The following LPP variants were observed in gnomAD, a reference collection of about 807,000 sequenced individuals.
The protein encoded by LPP is lipoma-preferred partner.
A neutral mutation model predicts 60.4 loss-of-function variants in LPP; 38 were observed. The observed-to-expected ratio is 0.63, with a 90% CI of 0.49 to 0.83. LPP has a LOEUF of 0.83. Among genes scored for constraint, LPP ranks in the 40% least tolerant of loss-of-function variants. The pLI, the probability that LPP is intolerant of heterozygous loss-of-function variation, is 0.00. For missense variants in LPP, 902 were observed against 783.6 expected (o/e 1.15, Z -1.80); for synonymous variants, 328 against 290.8 (o/e 1.13, Z -1.30).
chr3:188,417,395 A>G (rs907703158), intron 4 of LPP, among the ~76,000 whole-genome samples: 1 of 152,002 alleles, frequency 6.6e-6, no homozygotes, highest in Non-Finnish European at 1.5e-5. Context: ...GTTGTTTACC[A>G]AGCAGAAAAG....
In LPP at chr3:188,872,713, C is replaced by G; in HGVS notation, c.1660C>G (p.Arg554Gly). ...MPAPGQEETV[R>G]IVALDRDFHV... Reference sequence around the variant, plus strand: ...AGCCCCGGGCCAGGAGGAGACTGTCCGTATTGTGGCTTTGGATCGAGATTT... The same window carrying G: ...AGCCCCGGGCCAGGAGGAGACTGTCGGTATTGTGGCTTTGGATCGAGATTT... The change falls in exon 11 of 12, where the codon CGT (arginine) becomes GGT (glycine). Residue 554 changes from arginine (R) to glycine (G), a missense_variant. Physicochemically the swap from Arg to Gly is moderately radical, Grantham distance 125. Coordinates refer to ENST00000617246, the MANE Select transcript of LPP (RefSeq NM_001375462.1). The G allele has an allele frequency of 6.2e-7, 1 of 1,614,170 alleles. No homozygotes were observed. Among genetic ancestry groups the G allele is most frequent in the Non-Finnish European group, 8.5e-7 (1 of 1,180,032 alleles).
intron 5 of LPP, among the ~76,000 whole-genome samples, chr3:188,515,199 G>A (rs1816994206): frequency 6.6e-6 from 1 of 152,104 alleles, no homozygotes; most frequent in Admixed American, 6.6e-5. Flanking sequence ...TCTCTTATGG[G>A]GGTTTAGTGC....
chr3:188,232,333 T>A (rs1367506077), intron 2 of LPP, among the ~76,000 whole-genome samples: 2 of 152,030 alleles, frequency 1.3e-5, no homozygotes, highest in African/African-American at 4.8e-5. Context: ...CTCAGCAATT[T>A]TTTTTAATAC....
At chr3:188,773,610 A>G (rs1352541015) in intron 9 of LPP, among the ~76,000 whole-genome samples, 1 of 152,236 alleles carries the variant, frequency 6.6e-6, no homozygotes, top group Non-Finnish European at 1.5e-5. Context: ...AATAATGTTA[A>G]AAGATATTTG....
chr3:188,234,980 A>G (rs530050360), intron 2 of LPP, among the ~76,000 whole-genome samples: 1 of 152,344 alleles, frequency 6.6e-6, no homozygotes, highest in Admixed American at 6.5e-5. Flanking sequence ...AAAAAGCCCA[A>G]TTGCATGAGC....
At chr3:188,368,866 T>C (rs1772125033) in intron 3 of LPP, among the ~76,000 whole-genome samples, 3 of 152,148 alleles carry the variant, frequency 2.0e-5, no homozygotes, top group Non-Finnish European at 4.4e-5. Context: ...CCTTTGATAC[T>C]ATTCACTTTG....
chr3:188,545,321 A>G (rs1048854841), intron 6 of LPP, among the ~76,000 whole-genome samples: 1 of 152,128 alleles, frequency 6.6e-6, no homozygotes, highest in African/African-American at 2.4e-5. Context: ...TTAGAAAAAA[A>G]AGTAAGCTTT....
In LPP at chr3:188,348,139, T is replaced by G. The variant is rs140161782; in HGVS notation, c.-10+6420T>G. ...TCTGTAATAGAAACCATACCCTTTT[T>G]CTTTTCTTTCTTTCTTTTTTTTTTG... On this transcript the variant is annotated intron_variant, in intron 3 of 11. Coordinates refer to ENST00000617246, the MANE Select transcript of LPP (RefSeq NM_001375462.1). 7.2e-5 allele frequency among the ~76,000 whole-genome samples: 11 copies of G among 152,008 alleles called. No individual in the cohort carries two copies. In the East Asian group the frequency reaches 1.9e-3, roughly 27 times the overall value.
intron 6 of LPP, among the ~76,000 whole-genome samples, chr3:188,602,558 C>T (rs1246894581): frequency 6.6e-6 from 1 of 151,890 alleles, no homozygotes; most frequent in Non-Finnish European, 1.5e-5. Context: ...TGAGACCAAG[C>T]TCTTCTTGGG....
intron 9 of LPP, among the ~76,000 whole-genome samples, chr3:188,841,393 G>GGTTTTTT (rs781155583): frequency 3.5e-5 from 4 of 112,866 alleles, no homozygotes; most frequent in Non-Finnish European, 3.4e-5. Flanking sequence ...TTCTGAATTT[G>GGTTTTTT]TTTTTTTTTT....
chr3:188,203,924 A>G (rs1000527842), intron 1 of LPP, among the ~76,000 whole-genome samples: 1 of 152,140 alleles, frequency 6.6e-6, no homozygotes, highest in Non-Finnish European at 1.5e-5. Context: ...GATATTAAGC[A>G]TTTAAAAAGA....
At position 188,883,126 on chromosome 3, in the gene LPP, C is replaced by G. The variant is rs556505351; in HGVS notation, c.*8647C>G. 1 of 218,254 alleles carries G rather than the reference C, an allele frequency of 4.6e-6. No individual in the cohort carries two copies. Among genetic ancestry groups the G allele is most frequent in the South Asian group, 1.8e-4 (1 of 5,414 alleles). The allele number at this position is 218,254 out of a possible 1,614,324, so 13.5% of individuals were successfully genotyped here. A position where few individuals can be genotyped will look rare whatever the true frequency, so the allele number is the denominator to read the frequency against. ...AGAGCCAGCCTTTGGGGCATATGTT[C>G]TCTTTGGTGCCACACAAAACCTGTA... On this transcript the variant is annotated 3_prime_UTR_variant, in exon 12 of 12. Coordinates refer to ENST00000617246, the MANE Select transcript of LPP (RefSeq NM_001375462.1).
At chr3:188,414,212 A>G (rs1479170571) in intron 4 of LPP, among the ~76,000 whole-genome samples, 2 of 152,112 alleles carry the variant, frequency 1.3e-5, no homozygotes, top group Non-Finnish European at 2.9e-5. Context: ...ATAATTACCA[A>G]TAACTATTCA....
chr3:188,459,990 G>A (rs1170511098), intron 4 of LPP, among the ~76,000 whole-genome samples: 1 of 152,158 alleles, frequency 6.6e-6, no homozygotes, highest in Non-Finnish European at 1.5e-5. Flanking sequence ...CGAAGACATG[G>A]TTGACAATTT....
chr3:188,592,238 A>G (rs921685908), intron 6 of LPP, among the ~76,000 whole-genome samples: 3 of 152,126 alleles, frequency 2.0e-5, no homozygotes, highest in Admixed American at 1.3e-4. Context: ...TTTTTGAAGA[A>G]TTTTAAAATT....
intron 4 of LPP, among the ~76,000 whole-genome samples, chr3:188,441,846 CATCTCCTG>C (rs1560410001): frequency 3.3e-5 from 5 of 151,392 alleles, no homozygotes; most frequent in Non-Finnish European, 1.5e-5. Context: ...GGATGGTCTC[CATCTCCTG>C]ACCTCATGAT....
At chr3:188,323,721 G>C (rs1054316513) in intron 2 of LPP, among the ~76,000 whole-genome samples, 3 of 152,224 alleles carry the variant, frequency 2.0e-5, no homozygotes, top group Non-Finnish European at 4.4e-5. Flanking sequence ...ATCAAGATTT[G>C]CCAGTTGTGA....
At chr3:188,432,783 A>G (rs1394813545) in intron 4 of LPP, among the ~76,000 whole-genome samples, 2 of 152,092 alleles carry the variant, frequency 1.3e-5, no homozygotes, top group Non-Finnish European at 2.9e-5. Context: ...TGGCATTAGA[A>G]CCTTTAAAAG....
chr3:188,752,161 C>T (rs1728299877), intron 8 of LPP, among the ~76,000 whole-genome samples: 1 of 152,158 alleles, frequency 6.6e-6, no homozygotes, highest in Non-Finnish European at 1.5e-5. Context: ...ATTTCATAGC[C>T]AAGTATTTAA....
Sources: allele counts gnomAD v4.1 joint callset (sites outside exome capture counted in the v4.1 genomes callset), GRCh38; gene constraint gnomAD v4.1.1; transcripts MANE v1.5; gene names NCBI Gene and HGNC (gene_info 2026-07-23, HGNC 2026-07-21).